Variants in TENM3 observed in about 807,000 individuals in gnomAD.
TENM3 encodes teneurin transmembrane protein 3, also known as teneurin-3.
Under a neutral mutation model 255.1 loss-of-function variants are expected in TENM3, and 63 were observed. The observed-to-expected ratio is 0.25, with a 90% CI of 0.20 to 0.30. The LOEUF (loss-of-function observed/expected upper bound fraction) is 0.30. TENM3 is among the 10% of genes least tolerant of loss of function. TENM3 has a pLI of 1.00. For synonymous variants in TENM3, 1,306 were observed against 1,322.3 expected, an observed-to-expected ratio of 0.99 and a Z score of 0.27; for missense variants, 2,929 against 3,461.1, an observed-to-expected ratio of 0.85 and a Z score of 3.86.
chr4:181,877,730 A>T, the TENM3 span, among the ~76,000 whole-genome samples: 1 of 152,286 alleles, frequency 6.6e-6, no homozygotes, highest in South Asian at 2.1e-4. Context: ...GGCCTACAGC[A>T]AGAGGAAGGA....
intron 3 of TENM3, among the ~76,000 whole-genome samples, chr4:182,500,012 G>A (rs1560834481): frequency 6.6e-6 from 1 of 152,146 alleles, no homozygotes; most frequent in Non-Finnish European, 1.5e-5. Context: ...CGAGTGAAAA[G>A]TAATTGTTTA....
the TENM3 span, among the ~76,000 whole-genome samples, chr4:181,653,650 T>C: frequency 2.6e-5 from 4 of 151,576 alleles, no homozygotes; most frequent in Non-Finnish European, 5.9e-5. Context: ...CTGCCCGCCT[T>C]GGCCTCCCAA....
intron 3 of TENM3, among the ~76,000 whole-genome samples, chr4:182,494,041 AG>A (rs1259120851): frequency 6.6e-6 from 1 of 152,126 alleles, no homozygotes; most frequent in East Asian, 1.9e-4. Flanking sequence ...TTTTATAACT[AG>A]TTGTATTATT....
intron 22 of TENM3, among the ~76,000 whole-genome samples, chr4:182,757,195 C>T (rs1424895808): frequency 1.3e-5 from 2 of 151,248 alleles, no homozygotes; most frequent in African/African-American, 2.4e-5. Flanking sequence ...GCCTATAGTG[C>T]CAGCTAGTTG....
the TENM3 span, among the ~76,000 whole-genome samples, chr4:181,506,532 A>G: frequency 2.6e-5 from 4 of 152,160 alleles, no homozygotes; most frequent in Admixed American, 2.6e-4. Context: ...GGAGAAGTCA[A>G]GGGATGGGGA....
chr4:181,617,013 T>G, the TENM3 span, among the ~76,000 whole-genome samples: 4 of 152,206 alleles, frequency 2.6e-5, no homozygotes, highest in East Asian at 7.7e-4. Flanking sequence ...TCACACCCCC[T>G]TATGCAAACT....
intron 1 of TENM3, among the ~76,000 whole-genome samples, chr4:182,301,388 C>T (rs551358009): frequency 1.3e-5 from 2 of 152,246 alleles, no homozygotes; most frequent in East Asian, 3.9e-4. Context: ...ATATTATTAG[C>T]TTTTATTCCA....
chr4:182,604,663 A>T (rs1369766449), intron 4 of TENM3, among the ~76,000 whole-genome samples: 1 of 152,194 alleles, frequency 6.6e-6, no homozygotes, highest in African/African-American at 2.4e-5. Context: ...TCATTTATAT[A>T]CGTGAATTAA....
intron 21 of TENM3, 123 bp downstream of exon 21, chr4:182,753,727 G>A: frequency 1.2e-6 from 1 of 824,230 alleles, no homozygotes; most frequent in Non-Finnish European, 1.8e-6. Context: ...TTCTGATAGG[G>A]CAGTTCCATT....
chr4:182,779,039 CTT>C lies in TENM3; in HGVS notation c.5304+3896_5304+3897del, dbSNP rs58176239. ...CTGGTTTTACTAAGAACAATGTGTT[CTT>C]TTTTTTTTTCCTTTTCTTTTTTTTT... On this transcript the variant is annotated intron_variant, in intron 24 of 27. Coordinates refer to ENST00000511685, the MANE Select transcript of TENM3 (RefSeq NM_001080477.4). 8.1e-3 allele frequency among the ~76,000 whole-genome samples: 796 copies of C among 98,118 alleles called. 11 individuals are homozygous for C. Among genetic ancestry groups the C allele is most frequent in the African/African-American group, 0.026 (762 of 29,270 alleles). The allele number at this position is 98,118 out of a possible 152,430, so 64.4% of individuals were successfully genotyped here.
At chr4:181,620,414 G>T in the TENM3 span, among the ~76,000 whole-genome samples, 1 of 152,074 alleles carries the variant, frequency 6.6e-6, no homozygotes, top group Non-Finnish European at 1.5e-5. Context: ...CGCACAAAAG[G>T]TTGGCTCTCT....
chr4:182,696,915 C>T (rs1267794741), intron 12 of TENM3, among the ~76,000 whole-genome samples: 1 of 152,084 alleles, frequency 6.6e-6, no homozygotes, highest in Middle Eastern at 3.2e-3. Flanking sequence ...CTGGATTTCC[C>T]CCTGGTTCCA....
At chr4:182,588,211 AT>A (rs1438545908) in intron 3 of TENM3, among the ~76,000 whole-genome samples, 3 of 152,170 alleles carry the variant, frequency 2.0e-5, no homozygotes, top group African/African-American at 4.8e-5. Flanking sequence ...TCAGAAGTTA[AT>A]TGATTTATAT....
intron 3 of TENM3, among the ~76,000 whole-genome samples, chr4:182,411,693 C>G (rs1468827516): frequency 1.3e-5 from 2 of 152,154 alleles, no homozygotes; most frequent in Non-Finnish European, 2.9e-5. Context: ...CCTAAATTCA[C>G]TCTGCAAGAG....
chr4:181,848,789 G>C, the TENM3 span, among the ~76,000 whole-genome samples: 1 of 152,130 alleles, frequency 6.6e-6, no homozygotes, highest in African/African-American at 2.4e-5. Context: ...GTGATGTGAT[G>C]AATCAGGCTC....
intron 24 of TENM3, among the ~76,000 whole-genome samples, chr4:182,779,523 G>T (rs1473282751): frequency 6.6e-6 from 1 of 152,156 alleles, no homozygotes; most frequent in Non-Finnish European, 1.5e-5. Context: ...AAACATACGT[G>T]TGCATGTGTC....
chr4:182,376,935 T>C lies in TENM3; in HGVS notation c.511+30006T>C, dbSNP rs1159588860. ...TGATTGAAAAATACAAAAATCTTTG[T>C]TTTTGTTGGCACTGTGTAGTCAGAA... On this transcript the variant is annotated intron_variant, in intron 3 of 27. Transcript: ENST00000511685. Among the ~76,000 whole-genome samples the C allele has an allele frequency of 2.6e-5, 4 of 152,170 alleles. No individual in the cohort carries two copies. In the South Asian group the frequency reaches 8.3e-4, roughly 32 times the overall value.
chr4:181,995,681 T>A, the TENM3 span, among the ~76,000 whole-genome samples: 11 of 152,168 alleles, frequency 7.2e-5, no homozygotes, highest in East Asian at 2.1e-3. Context: ...TAAGTTATTT[T>A]AAAATTGAGT....
At chr4:181,481,495 G>A in the TENM3 span, among the ~76,000 whole-genome samples, 1 of 152,148 alleles carries the variant, frequency 6.6e-6, no homozygotes, top group East Asian at 1.9e-4. Flanking sequence ...AGATGGAAGA[G>A]GCACGGCCAT....
Sources: allele counts gnomAD v4.1 joint callset (sites outside exome capture counted in the v4.1 genomes callset), GRCh38; gene constraint gnomAD v4.1.1; transcripts MANE v1.5; gene names NCBI Gene and HGNC (gene_info 2026-07-23, HGNC 2026-07-21).